Variants in TRIB3 observed in about 807,000 individuals in gnomAD.
The protein encoded by TRIB3 is tribbles homolog 3.
In TRIB3, 20 loss-of-function variants were observed where a neutral mutation model predicts 16.6. That is an observed-to-expected ratio of 1.20 (90% CI 0.85 to 1.75). The LOEUF is 1.75. Among genes scored for constraint, TRIB3 ranks in the 40% most tolerant of loss-of-function variants. The probability of loss-of-function intolerance (pLI) is 0.00; values close to 1 mark genes in which losing one functional copy is unlikely to be tolerated. For synonymous variants in TRIB3, 208 were observed against 217.0 expected (o/e 0.96, Z 0.36); for missense variants, 484 against 488.9 (o/e 0.99, Z 0.10).
chr20:384,908 C>T (rs1217270552), intron 1 of TRIB3, among the ~76,000 whole-genome samples: 1 of 152,116 alleles, frequency 6.6e-6, no homozygotes, highest in Non-Finnish European at 1.5e-5. Context: ...CACTTGTGTC[C>T]TACTAGCCAT....
intron 1 of TRIB3, among the ~76,000 whole-genome samples, chr20:381,888 C>T (rs1174090494): frequency 6.6e-6 from 1 of 152,004 alleles, no homozygotes; most frequent in Non-Finnish European, 1.5e-5. Context: ...GCCTGCAGAC[C>T]GGGGAGGGCG....
intron 1 of TRIB3, among the ~76,000 whole-genome samples, chr20:384,057 T>G (rs1267339804): frequency 6.6e-6 from 1 of 152,134 alleles, no homozygotes; most frequent in Non-Finnish European, 1.5e-5. Flanking sequence ...CCATCCAGTC[T>G]GCCACTGAGT....
chr20:382,187 T>C (rs1012115191), intron 1 of TRIB3, among the ~76,000 whole-genome samples: 9 of 152,176 alleles, frequency 5.9e-5, no homozygotes, highest in African/African-American at 1.9e-4. Flanking sequence ...GTCCCGAGTG[T>C]GGCAGGGAAC....
intron 3 of TRIB3, among the ~76,000 whole-genome samples, chr20:395,886 G>C (rs1032799502): frequency 1.4e-4 from 22 of 152,304 alleles, no homozygotes; most frequent in African/African-American, 5.3e-4. Context: ...TGGACCCTAA[G>C]TTTGTAGCTG....
At chr20:383,218 G>A (rs2014710126) in intron 1 of TRIB3, among the ~76,000 whole-genome samples, 1 of 152,168 alleles carries the variant, frequency 6.6e-6, no homozygotes, top group African/African-American at 2.4e-5. Context: ...ACCCTATAAA[G>A]AGCATCCTCA....
Position 380,978 on chromosome 20 carries a change from G to GATTAGCTCCGGTTTGCATCACCCCGA in TRIB3, c.-192_-191insATTAGCTCCGGTTTGCATCACCCCGA, listed in dbSNP as rs1475836304. The GATTAGCTCCGGTTTGCATCACCCCGA allele has an allele frequency of 6.6e-6, 1 of 150,486 alleles. No homozygotes were observed. The highest frequency in any genetic ancestry group is 1.5e-5 in the Non-Finnish European group (1 of 67,496). 9.3% of individuals were successfully genotyped at this position (150,486 alleles called of 1,614,324 possible). ...CCGGTTTGCATCACCCGGACCGGGG[G>GATTAGCTCCGGTTTGCATCACCCCGA]CCGGGCGCGCACGAGACTCGCAGCG... On this transcript the variant is annotated 5_prime_UTR_variant, in exon 1 of 4. An upstream open reading frame in the 5' UTR loses its in-frame stop. Transcript: ENST00000217233.
chr20:389,392 G>A (rs1047264132), intron 2 of TRIB3, among the ~76,000 whole-genome samples: 1 of 152,130 alleles, frequency 6.6e-6, no homozygotes, highest in Non-Finnish European at 1.5e-5. Context: ...AAGATAAGGG[G>A]GACCTGGAAA....
chr20:382,126 T>TGTGTGTGTGTGTGTGC (rs1374416475), intron 1 of TRIB3, among the ~76,000 whole-genome samples: 2 of 83,898 alleles, frequency 2.4e-5, no homozygotes, highest in Admixed American at 1.2e-4. Flanking sequence ...TGTGTGTGTG[T>TGTGTGTGTGTGTGTGC]GCGTGCGCGC....
At chr20:381,717 C>T (rs1410617376) in intron 1 of TRIB3, among the ~76,000 whole-genome samples, 1 of 148,332 alleles carries the variant, frequency 6.7e-6, no homozygotes, top group East Asian at 2.0e-4. Context: ...GCAGGGGACA[C>T]CGCCGGGACA....
intron 2 of TRIB3, among the ~76,000 whole-genome samples, chr20:389,216 A>G (rs2014905373): frequency 2.6e-5 from 4 of 152,200 alleles, no homozygotes; most frequent in Admixed American, 2.6e-4. Context: ...TTATAGATAG[A>G]GGACACTGAG....
chr20:382,604 T>G, intron 1 of TRIB3: 2 of 1,529,124 alleles, frequency 1.3e-6, no homozygotes, highest in Non-Finnish European at 1.8e-6. Context: ...AATGACCATT[T>G]CCTGACACCT....
At chr20:384,029 A>ACATCCAATC (rs1299337933) in intron 1 of TRIB3, among the ~76,000 whole-genome samples, 1 of 148,870 alleles carries the variant, frequency 6.7e-6, no homozygotes, top group African/African-American at 2.4e-5. Flanking sequence ...TTCACCCCTC[A>ACATCCAATC]CATCCAATCC....
chr20:396,401 A>T lies in TRIB3; in HGVS notation c.788A>T (p.Asp263Val). 6.2e-7 allele frequency: 1 copy of T among 1,613,302 alleles called. No homozygotes were observed. Among genetic ancestry groups the T allele is most frequent in the Non-Finnish European group, 8.5e-7 (1 of 1,180,016 alleles). ...TMLAGHYPFQ[D>V]SEPVLLFGKI... ...CTGGCCGGCCACTACCCCTTCCAGG[A>T]CTCGGAGCCTGTCCTGCTCTTCGGC... The change falls in exon 4 of 4, where the codon GAC (aspartate) becomes GTC (valine). Residue 263 changes from aspartate to valine, a missense_variant. Physicochemically the swap from Asp to Val is radical, Grantham distance 152 (BLOSUM62 -3). Transcript: ENST00000217233.
chr20:394,750 C>A (rs374887454), intron 3 of TRIB3, among the ~76,000 whole-genome samples: 1 of 151,312 alleles, frequency 6.6e-6, no homozygotes, highest in African/African-American at 2.4e-5. Context: ...TGCACCACTG[C>A]ACTCCAGCCT....
rs2015151209 is a variant in TRIB3, at chr20:397,064, C to G, written c.*374C>G. 4.9e-6 allele frequency: 1 copy of G among 205,046 alleles called. No homozygotes were observed. The highest frequency in any genetic ancestry group is 2.3e-5 in the African/African-American group (1 of 43,372). 12.7% of individuals were successfully genotyped at this position (205,046 alleles called of 1,614,324 possible). On this transcript the variant is annotated 3_prime_UTR_variant, in exon 4 of 4. Coordinates refer to ENST00000217233, the MANE Select transcript of TRIB3 (RefSeq NM_021158.5). ...GTCGGCCTCCACTGATGCTGGTGCT[C>G]AGGCACCTCTGTCCAAGGACAATCC...
At chr20:384,920 T>C (rs1296681134) in intron 1 of TRIB3, among the ~76,000 whole-genome samples, 2 of 152,188 alleles carry the variant, frequency 1.3e-5, no homozygotes, top group African/African-American at 4.8e-5. Context: ...ACTAGCCATA[T>C]GCTGATACAA....
chr20:392,570 T>TA lies in TRIB3; in HGVS notation c.584+993dup, dbSNP rs397947523. On this transcript the variant is annotated intron_variant, in intron 3 of 3. Transcript: ENST00000217233. ...GGGATGCTAAGAATTTTTTTTTTTT[T>TA]AATTGAGACAGAGTCTCACTCTGTC... Among the ~76,000 whole-genome samples the TA allele has an allele frequency of 6.4e-3, 974 of 151,930 alleles. 4 individuals carry two copies. Among genetic ancestry groups the TA allele is most frequent in the Non-Finnish European group, 0.01 (694 of 67,944 alleles).
chr20:382,144 T>C (rs1451495426), intron 1 of TRIB3, among the ~76,000 whole-genome samples: 33 of 148,554 alleles, frequency 2.2e-4, no homozygotes, highest in Admixed American at 2.0e-3. Flanking sequence ...CGCGCGCGCT[T>C]GCGCTTGATG....
At chr20:382,898 T>G (rs1338984489) in intron 1 of TRIB3, among the ~76,000 whole-genome samples, 1 of 152,218 alleles carries the variant, frequency 6.6e-6, no homozygotes, top group African/African-American at 2.4e-5. Context: ...GCTCTTCCAT[T>G]TGGGAGCAGC....
Sources: gnomAD v4.1 joint callset for allele counts (sites outside exome capture counted in the v4.1 genomes callset) on GRCh38, gnomAD v4.1.1 for gene constraint, MANE v1.5 for transcripts, NCBI Gene and HGNC (gene_info 2026-07-23, HGNC 2026-07-21) for gene names.